SCAMP3: variants seen among roughly 807,000 people sequenced by gnomAD.
SCAMP3 encodes the protein secretory carrier-associated membrane protein 3.
SCAMP3 carries 30 observed loss-of-function variants against 44.1 expected under a neutral mutation model. The ratio of observed to expected loss-of-function variants is 0.68; its 90% CI spans 0.51 to 0.92. The LOEUF (loss-of-function observed/expected upper bound fraction) is 0.92. Among genes scored for constraint, SCAMP3 ranks in the 40% least tolerant of loss-of-function variants. SCAMP3 has a pLI of 0.00. For missense variants in SCAMP3, 394 were observed against 440.0 expected (o/e 0.90, Z 0.93); for synonymous variants, 168 against 171.1 (o/e 0.98, Z 0.14).
In SCAMP3 at chr1:155,262,263, CTG is replaced by C. The variant is rs202028922; in HGVS notation, c.-114_-113del. On this transcript the variant is annotated 5_prime_UTR_variant, in exon 1 of 9. Coordinates refer to ENST00000302631, the MANE Select transcript of SCAMP3 (RefSeq NM_005698.4). The stretch of plus-strand genomic sequence containing the variant: ...ACTCGCCTCAGTTCGCCCCGCTTCT[CTG>C]TGCACGGATTGGTTCCACCGACCGG... The C allele has an allele frequency of 5.3e-3, 5,207 of 973,410 alleles. 150 individuals carry two copies. In the East Asian group the frequency reaches 0.065, roughly 12 times the overall value. The allele number at this position is 973,410 out of a possible 1,614,324, so 60.3% of individuals were successfully genotyped here.
rs571893005 is a variant in SCAMP3, at chr1:155,256,144, T to G, written c.*129A>C. ...ACACGCCTGTCAGGTTCAGCAGTCA[T>G]GGCCATAGGATTGGGAGCACTACGG... On this transcript the variant is annotated 3_prime_UTR_variant, in exon 9 of 9. Coordinates refer to ENST00000302631, the MANE Select transcript of SCAMP3 (RefSeq NM_005698.4). 49 of 946,516 alleles carry G rather than the reference T, an allele frequency of 5.2e-5. No individual in the cohort carries two copies. The highest frequency in any genetic ancestry group is 3.6e-4 in the Middle Eastern group (1 of 2,816). 58.6% of individuals were successfully genotyped at this position (946,516 alleles called of 1,614,324 possible).
intron 2 of SCAMP3, chr1:155,261,437 T>G: frequency 1.7e-6 from 1 of 580,152 alleles, no homozygotes; most frequent in Non-Finnish European, 3.1e-6. Context: ...CCTCCAGATC[T>G]TCCCAGGACT....
chr1:155,262,045 T>C, intron 1 of SCAMP3, 41 bp downstream of exon 1: 1 of 1,596,394 alleles, frequency 6.3e-7, no homozygotes, highest in South Asian at 1.1e-5. Context: ...CCGGGAAGAA[T>C]CAACCTGACC....
At position 155,257,274 on chromosome 1, in the gene SCAMP3, G is replaced by C; in HGVS notation, c.779+11C>G. The C allele has an allele frequency of 6.4e-7, 1 of 1,554,734 alleles. No homozygotes were observed. Among genetic ancestry groups the C allele is most frequent in the Non-Finnish European group, 8.9e-7 (1 of 1,125,780 alleles). On this transcript the variant is annotated intron_variant, in intron 7 of 8. Coordinates refer to ENST00000302631, the MANE Select transcript of SCAMP3 (RefSeq NM_005698.4). Reference sequence around the variant, plus strand: ...GAGGGAAAGGTGAGGGTGGATAACAGCCTCACAAACCTGAATCCCCAACCT... The same window carrying C: ...GAGGGAAAGGTGAGGGTGGATAACACCCTCACAAACCTGAATCCCCAACCT...
chr1:155,259,228 G>A (rs1350948873), intron 4 of SCAMP3, among the ~76,000 whole-genome samples: 2 of 148,078 alleles, frequency 1.4e-5, no homozygotes, highest in African/African-American at 2.5e-5. Flanking sequence ...AGGTTGGAGT[G>A]CAGTGGTGTG....
intron 1 of SCAMP3, 57 bp from the exon 2 acceptor site, chr1:155,261,791 A>C: frequency 6.5e-7 from 1 of 1,541,726 alleles, no homozygotes; most frequent in Non-Finnish European, 9.0e-7. Flanking sequence ...GGGAATTCCC[A>C]GGGACCATTC....
At position 155,260,551 on chromosome 1, in the gene SCAMP3, A is replaced by C; in HGVS notation, c.253T>G (p.Ser85Ala). The C allele has an allele frequency of 6.2e-7, 1 of 1,614,064 alleles. No individual in the cohort carries two copies. Among genetic ancestry groups the C allele is most frequent in the East Asian group, 2.2e-5 (1 of 44,874 alleles). The change falls in exon 3 of 9, where the codon TCA becomes GCA. Residue 85 changes from serine (S) to alanine (A), a missense_variant. Coordinates refer to ENST00000302631, the MANE Select transcript of SCAMP3 (RefSeq NM_005698.4). ...ACCTCCTGTACCTGAGTGCTGTATG[A>C]GCCATAGTTCTTAGGTTCTGTGGGG... is the stretch of plus-strand genomic sequence containing the variant. ...LSPTEPKNYG[S>A]YSTQASAAAA...
At position 155,262,256 on chromosome 1, in the gene SCAMP3, C is replaced by G. The variant is rs1403657583; in HGVS notation, c.-105G>C. 7 of 1,034,478 alleles carry G rather than the reference C, an allele frequency of 6.8e-6. No homozygotes were observed. The Admixed American group carries it at 9.2e-5, about 14-fold the overall frequency. 64.1% of individuals were successfully genotyped at this position (1,034,478 alleles called of 1,614,324 possible). A position where few individuals can be genotyped will look rare whatever the true frequency, so the allele number is the denominator to read the frequency against. ...CCACTTCACTCGCCTCAGTTCGCCC[C>G]GCTTCTCTGTGCACGGATTGGTTCC... is the stretch of plus-strand genomic sequence containing the variant. On this transcript the variant is annotated 5_prime_UTR_variant, in exon 1 of 9. Coordinates refer to ENST00000302631, the MANE Select transcript of SCAMP3 (RefSeq NM_005698.4).
intron 1 of SCAMP3, 50 bp downstream of exon 1, chr1:155,262,036 C>A: frequency 6.4e-7 from 1 of 1,565,690 alleles, no homozygotes; most frequent in African/African-American, 1.4e-5. Flanking sequence ...CCTACAGAAC[C>A]GGGAAGAATC....
In SCAMP3 at chr1:155,262,140, G is replaced by A. The variant is rs1275200455; in HGVS notation, c.12C>T (p.Ser4=). 3 of 1,613,756 alleles carry A rather than the reference G, an allele frequency of 1.9e-6. No individual in the cohort carries two copies. The change falls in exon 1 of 9, where the codon AGC becomes AGT. Residue 4 remains serine (S), a synonymous_variant. Coordinates refer to ENST00000302631, the MANE Select transcript of SCAMP3 (RefSeq NM_005698.4). MAQ[S]RDGGNPFAEP... ...CGGCGAACGGGTTTCCGCCGTCTCT[G>A]CTCTGAGCCATGTTTGCAACTGCGG...
Position 155,262,346 on chromosome 1 carries a change from A to G in SCAMP3, c.-195T>C. On this transcript the variant is annotated 5_prime_UTR_variant, in exon 1 of 9. Coordinates refer to ENST00000302631, the MANE Select transcript of SCAMP3 (RefSeq NM_005698.4). ...GGGTTGCGCCTGCGTCTTGTCCAAAAGCTAAGACGAAAGTGCCCCCACGTG... is the reference window on the plus strand; with the variant it reads ...GGGTTGCGCCTGCGTCTTGTCCAAAGGCTAAGACGAAAGTGCCCCCACGTG... 1 of 583,550 alleles carries G rather than the reference A, an allele frequency of 1.7e-6. No individual in the cohort carries two copies. The highest frequency in any genetic ancestry group is 3.0e-6 in the Non-Finnish European group (1 of 330,272). The allele number at this position is 583,550 out of a possible 1,614,324, so 36.1% of individuals were successfully genotyped here.
Position 155,260,424 on chromosome 1 carries a change from C to G in SCAMP3, c.294G>C (p.Glu98Asp). 1.2e-6 allele frequency: 2 copies of G among 1,614,156 alleles called. No homozygotes were observed. Residue 98 changes from glutamate (E) to aspartate (D), a missense_variant, in exon 4 of 9, where the codon GAG becomes GAC. By Grantham distance (45) the Glu-to-Asp change is conservative. Coordinates refer to ENST00000302631, the MANE Select transcript of SCAMP3 (RefSeq NM_005698.4). ...TGAGCTCCTCCTGTTTCTTCAGCAG[C>G]TCAGCTGTGGCTGCTGCAGCTGAGG... The part of the protein sequence containing the change: ...TQASAAAATA[E>D]LLKKQEELNR...
At position 155,257,510 on chromosome 1, in the gene SCAMP3, T is replaced by C. The variant is rs1477598723; in HGVS notation, c.665A>G (p.Tyr222Cys). 2 of 1,613,318 alleles carry C rather than the reference T, an allele frequency of 1.2e-6. No individual in the cohort carries two copies. Among genetic ancestry groups the C allele is most frequent in the Admixed American group, 3.3e-5 (2 of 59,880 alleles). The change falls in exon 6 of 9, where the codon TAT becomes TGT. Residue 222 changes from tyrosine to cysteine, a missense_variant. Transcript: ENST00000302631. Reference sequence around the variant, plus strand: ...CTAACACACTTACCGGAAAGCCTTATACATGGGGCGGTACCAGCAGACAAA... The same window carrying C: ...CTAACACACTTACCGGAAAGCCTTACACATGGGGCGGTACCAGCAGACAAA... Reference protein sequence around the residue: ...CSFVCWYRPMYKAFRSDSSFN... With the variant: ...CSFVCWYRPMCKAFRSDSSFN...
At chr1:155,256,627 G>A (rs1352028371) in intron 8 of SCAMP3, 47 bp downstream of exon 8, 1 of 1,539,658 alleles carries the variant, frequency 6.5e-7, no homozygotes, top group Non-Finnish European at 9.0e-7. Context: ...CGCCCCTGGG[G>A]ACCCATGATC....
chr1:155,257,992 C>T (rs1157858916), intron 5 of SCAMP3, among the ~76,000 whole-genome samples: 1 of 151,508 alleles, frequency 6.6e-6, no homozygotes, highest in Non-Finnish European at 1.5e-5. Context: ...CTACAGGCGC[C>T]CGCCACCACG....
chr1:155,261,583 C>A, intron 2 of SCAMP3, 74 bp downstream of exon 2: 5 of 1,345,922 alleles, frequency 3.7e-6, no homozygotes, highest in Non-Finnish European at 5.3e-6. Context: ...AGAAAAGTCC[C>A]CTGTACCCAA....
chr1:155,256,332 G>A lies in SCAMP3; in HGVS notation c.985C>T (p.Arg329Ter), dbSNP rs930280834. ...GCGGCTGCATTGGCAGCTGCGGTTCGCACCGCAGGGTTGGAGAAGACACCA... is the reference window on the plus strand; with the variant it reads ...GCGGCTGCATTGGCAGCTGCGGTTCACACCGCAGGGTTGGAGAAGACACCA... ...AAGVFSNPAV[R>*]TAAANAAAGA... The change falls in exon 9 of 9, where the codon CGA (arginine) becomes TGA (stop). Residue 329 changes from arginine (R) to a stop codon, truncating the protein, a stop_gained. Coordinates refer to ENST00000302631, the MANE Select transcript of SCAMP3 (RefSeq NM_005698.4). LOFTEE classifies it high-confidence loss of function. The A allele has an allele frequency of 1.2e-6, 2 of 1,606,502 alleles. No homozygotes were observed. The highest frequency in any genetic ancestry group is 1.1e-5 in the South Asian group (1 of 90,688).
chr1:155,262,123 G>C lies in SCAMP3; in HGVS notation c.29C>G (p.Pro10Arg), dbSNP rs759585343. The C allele has an allele frequency of 6.2e-7, 1 of 1,614,070 alleles. No homozygotes were observed. The highest frequency in any genetic ancestry group is 8.5e-7 in the Non-Finnish European group (1 of 1,180,012). The change falls in exon 1 of 9, where the codon CCG becomes CGG. Residue 10 changes from proline to arginine, a missense_variant. Physicochemically the swap from Pro to Arg is moderately radical, Grantham distance 103. Transcript: ENST00000302631. ...GTCAAGCTCGCTGGGCTCGGCGAAC[G>C]GGTTTCCGCCGTCTCTGCTCTGAGC... MAQSRDGGN[P>R]FAEPSELDNP... is the part of the protein sequence containing the mutation.
intron 4 of SCAMP3, among the ~76,000 whole-genome samples, chr1:155,259,196 T>TA (rs1672892123): frequency 7.0e-6 from 1 of 142,836 alleles, no homozygotes; most frequent in African/African-American, 2.6e-5. Flanking sequence ...TCTCCTGAGA[T>TA]AGAGTTTCGC....
Sources: allele counts gnomAD v4.1 joint callset (sites outside exome capture counted in the v4.1 genomes callset), GRCh38; gene constraint gnomAD v4.1.1; transcripts MANE v1.5; gene names NCBI Gene and HGNC (gene_info 2026-07-23, HGNC 2026-07-21).